WWP1: variants seen among roughly 807,000 people sequenced by gnomAD.
WWP1 encodes the protein WW domain containing E3 ubiquitin protein ligase 1.
In WWP1, 49 loss-of-function variants were observed where a neutral mutation model predicts 130.6. That is an observed-to-expected ratio of 0.38 (90% CI 0.30 to 0.48). WWP1 has a LOEUF of 0.48. WWP1 is among the 20% of genes least tolerant of loss of function. The pLI is 0.99. For missense variants in WWP1, 809 were observed against 1,100.6 expected (o/e 0.74, Z 3.75); for synonymous variants, 332 against 367.8 (o/e 0.90, Z 1.11).
chr8:86,442,640 A>C lies in WWP1; in HGVS notation c.1860A>C (p.Ser620=). The C allele has an allele frequency of 6.3e-7, 1 of 1,599,726 alleles. No homozygotes were observed. The highest frequency in any genetic ancestry group is 8.5e-7 in the Non-Finnish European group (1 of 1,175,296). Residue 620 remains serine (S), a synonymous_variant, in exon 18 of 25, where the codon TCA becomes TCC. Transcript: ENST00000517970. ...ATAGAGAATGGTTTTTCTTGCTTTC[A>C]CATGAAGTTTTGAACCCAATGTATT... The part of the protein sequence containing the change: ...GLAREWFFLL[S]HEVLNPMYCL...
Position 86,435,526 on chromosome 8 carries a change from A to G in WWP1, c.1676A>G (p.Gln559Arg), listed in dbSNP as rs1810242339. The change falls in exon 15 of 25, where the codon CAG (glutamine) becomes CGG (arginine). Residue 559 changes from glutamine (Q) to arginine (R), a missense_variant and splice_region_variant. Transcript: ENST00000517970. The part of the protein sequence containing the change: ...WKLAHFRYLC[Q>R]SNALPSHVKI... ...CTTGCTCACTTCCGTTATTTGTGCC[A>G]GGTACTATAGTGGTAAATAAATCTT... 1 of 1,614,126 alleles carries G rather than the reference A, an allele frequency of 6.2e-7. No individual in the cohort carries two copies. The highest frequency in any genetic ancestry group is 8.5e-7 in the Non-Finnish European group (1 of 1,180,008).
In WWP1 at chr8:86,388,560, T is replaced by C. The variant is rs190263028; in HGVS notation, c.334+6931T>C. Among the ~76,000 whole-genome samples, 37 of 152,282 alleles carry C rather than the reference T, an allele frequency of 2.4e-4. No individual in the cohort carries two copies. In the East Asian group the frequency reaches 3.7e-3, roughly 15 times the overall value. On this transcript the variant is annotated intron_variant, in intron 5 of 24. Transcript: ENST00000517970. ...TTTGATATAATCTAATCATATTGCC[T>C]TTTTTTCCCTCTAGGTAGTTCACTG...
intron 12 of WWP1, among the ~76,000 whole-genome samples, 192 bp from the exon 13 acceptor site, chr8:86,431,209 CTATAA>C (rs934347013): frequency 3.0e-4 from 41 of 136,552 alleles, no homozygotes; most frequent in South Asian, 2.9e-3. Flanking sequence ...ATTATATTCT[CTATAA>C]TATAATATAT....
chr8:86,394,307 A>G (rs902453973), intron 5 of WWP1, among the ~76,000 whole-genome samples: 1 of 152,186 alleles, frequency 6.6e-6, no homozygotes, highest in African/African-American at 2.4e-5. Flanking sequence ...ATTAACACTA[A>G]GGAAGAAGGT....
chr8:86,375,278 A>G (rs1164033151), intron 3 of WWP1, among the ~76,000 whole-genome samples: 1 of 152,070 alleles, frequency 6.6e-6, no homozygotes, highest in Non-Finnish European at 1.5e-5. Context: ...CCAAATTGAT[A>G]ATTAGTTAAG....
intron 18 of WWP1, among the ~76,000 whole-genome samples, chr8:86,443,974 T>G (rs1410691861): frequency 6.6e-6 from 1 of 152,122 alleles, no homozygotes; most frequent in Non-Finnish European, 1.5e-5. Context: ...GGGCAATGAG[T>G]GACCTGATCT....
chr8:86,424,641 A>G lies in WWP1; in HGVS notation c.1062-582A>G, dbSNP rs188872051. 2.5e-3 allele frequency among the ~76,000 whole-genome samples: 384 copies of G among 151,830 alleles called. 10 individuals are homozygous for G. In the East Asian group the frequency reaches 0.055, roughly 22 times the overall value. Reference sequence around the variant, plus strand: ...AACACAGTGAAACCCCGTCTCCACCAAAAAAATACGAAAACCAGTCAGGCA... The same window carrying G: ...AACACAGTGAAACCCCGTCTCCACCGAAAAAATACGAAAACCAGTCAGGCA... On this transcript the variant is annotated intron_variant, in intron 9 of 24. Coordinates refer to ENST00000517970, the MANE Select transcript of WWP1 (RefSeq NM_007013.4).
At position 86,406,022 on chromosome 8, in the gene WWP1, G is replaced by T. The variant is rs535975729; in HGVS notation, c.724+3819G>T. Among the ~76,000 whole-genome samples, 8 of 152,250 alleles carry T rather than the reference G, an allele frequency of 5.3e-5. No individual in the cohort carries two copies. The South Asian group carries it at 1.5e-3, about 28-fold the overall frequency. On this transcript the variant is annotated intron_variant, in intron 8 of 24. Coordinates refer to ENST00000517970, the MANE Select transcript of WWP1 (RefSeq NM_007013.4). ...CTGTTCTTTTGAAGCTTGAGTAAGG[G>T]GATCCATCTGACGGTTTAGTTGCTA...
intron 1 of WWP1, among the ~76,000 whole-genome samples, chr8:86,354,090 G>A (rs1823113627): frequency 6.6e-6 from 1 of 152,164 alleles, no homozygotes; most frequent in Non-Finnish European, 1.5e-5. Context: ...GCACCCATGG[G>A]CTGAGTGCTA....
At chr8:86,390,323 C>T (rs933387385) in intron 5 of WWP1, among the ~76,000 whole-genome samples, 4 of 152,186 alleles carry the variant, frequency 2.6e-5, no homozygotes, top group Admixed American at 6.5e-5. Context: ...AATCTCGGCA[C>T]TTTGGGAGGC....
chr8:86,394,389 C>G (rs1807532720), intron 5 of WWP1, among the ~76,000 whole-genome samples: 3 of 152,214 alleles, frequency 2.0e-5, no homozygotes, highest in African/African-American at 7.2e-5. Context: ...ACCTTAATCA[C>G]TTAGTTTAAA....
At chr8:86,456,774 T>C (rs1283266627) in intron 21 of WWP1, among the ~76,000 whole-genome samples, 3 of 151,920 alleles carry the variant, frequency 2.0e-5, no homozygotes, top group Non-Finnish European at 4.4e-5. Flanking sequence ...TGATAGAAAA[T>C]ATGAACTACT....
chr8:86,425,472 A>G (rs1177969631), intron 10 of WWP1, among the ~76,000 whole-genome samples, 154 bp downstream of exon 10: 1 of 152,192 alleles, frequency 6.6e-6, no homozygotes, highest in Admixed American at 6.5e-5. Flanking sequence ...AGTCAATGAG[A>G]TTAGATAATC....
rs1460492722 is a variant in WWP1, at chr8:86,411,807, C to T, written c.994C>T (p.Pro332Ser). Residue 332 changes from proline (P) to serine (S), a missense_variant, in exon 9 of 25, where the codon CCA becomes TCA. By Grantham distance (74) the Pro-to-Ser change is moderately conservative. Coordinates refer to ENST00000517970, the MANE Select transcript of WWP1 (RefSeq NM_007013.4). ...SAFEAAKSRQ[P>S]DGCMDPVRQQ... Reference sequence around the variant, plus strand: ...TTTTGAAGCAGCCAAATCAAGACAGCCAGATGGGTGTATGGATCCTGTACG... The same window carrying T: ...TTTTGAAGCAGCCAAATCAAGACAGTCAGATGGGTGTATGGATCCTGTACG... The T allele has an allele frequency of 6.2e-7, 1 of 1,614,078 alleles. No homozygotes were observed. The highest frequency in any genetic ancestry group is 8.5e-7 in the Non-Finnish European group (1 of 1,180,020).
chr8:86,419,049 T>C (rs776040960), intron 9 of WWP1, among the ~76,000 whole-genome samples: 8 of 152,134 alleles, frequency 5.3e-5, no homozygotes, highest in Non-Finnish European at 1.2e-4. Context: ...AGTGCCCTTC[T>C]CATTAGATAT....
chr8:86,425,947 A>G (rs190730685), intron 10 of WWP1, among the ~76,000 whole-genome samples: 14 of 152,202 alleles, frequency 9.2e-5, no homozygotes, highest in Middle Eastern at 3.4e-3. Context: ...TTACTCACAC[A>G]TTCTATGTGT....
intron 7 of WWP1, among the ~76,000 whole-genome samples, chr8:86,398,857 T>C (rs187982290): frequency 3.5e-4 from 54 of 152,312 alleles, no homozygotes; most frequent in African/African-American, 1.3e-3. Context: ...TTTAAAAGTA[T>C]ACATTTTAGT....
chr8:86,360,814 TA>T (rs769214384), intron 1 of WWP1, among the ~76,000 whole-genome samples: 1 of 152,122 alleles, frequency 6.6e-6, no homozygotes, highest in Non-Finnish European at 1.5e-5. Context: ...CTAGGACAGA[TA>T]AAATAGGGCA....
At chr8:86,426,812 A>G (rs910455089) in intron 10 of WWP1, among the ~76,000 whole-genome samples, 4 of 152,214 alleles carry the variant, frequency 2.6e-5, no homozygotes, top group Non-Finnish European at 2.9e-5. Context: ...GGCATTGGCT[A>G]TAGAGCAGAT....
Sources: allele counts gnomAD v4.1 joint callset (sites outside exome capture counted in the v4.1 genomes callset), GRCh38; gene constraint gnomAD v4.1.1; transcripts MANE v1.5; gene names NCBI Gene and HGNC (gene_info 2026-07-23, HGNC 2026-07-21).